ATG9A: variants seen among roughly 807,000 people sequenced by gnomAD.
The protein encoded by ATG9A is autophagy-related protein 9A.
Under a neutral mutation model 87.1 loss-of-function variants are expected in ATG9A, and 21 were observed. The ratio of observed to expected loss-of-function variants is 0.24; its 90% CI spans 0.17 to 0.35. ATG9A has a LOEUF of 0.35. ATG9A is among the 10% of genes least tolerant of loss of function. The pLI, the probability that ATG9A is intolerant of heterozygous loss-of-function variation, is 1.00. For synonymous variants in ATG9A, 422 were observed against 441.3 expected, an observed-to-expected ratio of 0.96 and a Z score of 0.55; for missense variants, 836 against 1,107.3, an observed-to-expected ratio of 0.76 and a Z score of 3.48.
intron 1 of ATG9A, chr2:219,228,952 G>A (rs934213111): frequency 6.6e-6 from 1 of 152,202 alleles, no homozygotes; most frequent in Non-Finnish European, 1.5e-5. Context: ...CCCGATCCTA[G>A]GTGAATTTGT....
In ATG9A at chr2:219,219,486, C is replaced by CCA. The variant is rs1950708894; in HGVS notation, c.*959_*960dup. On this transcript the variant is annotated 3_prime_UTR_variant, in exon 16 of 16. Transcript: ENST00000361242. Reference sequence around the variant, plus strand: ...AATTCACCACTCTCCCAAAGCCGGACCACAGCTGGGTGAGGGGTGGGACAG... The same window carrying CCA: ...AATTCACCACTCTCCCAAAGCCGGACCACACAGCTGGGTGAGGGGTGGGACAG... The CCA allele has an allele frequency of 6.5e-6, 1 of 152,740 alleles. No homozygotes were observed. Among genetic ancestry groups the CCA allele is most frequent in the Non-Finnish European group, 1.5e-5 (1 of 68,142 alleles). 9.5% of individuals were successfully genotyped at this position (152,740 alleles called of 1,614,324 possible).
rs777855989 is a variant in ATG9A at position 219,221,224 on chromosome 2, C to T, written c.2224G>A (p.Ala742Thr). The T allele has an allele frequency of 5.0e-6, 8 of 1,587,518 alleles. No individual in the cohort carries two copies. Among genetic ancestry groups the T allele is most frequent in the South Asian group, 2.3e-5 (2 of 87,040 alleles). The change falls in exon 14 of 16, where the codon GCC (alanine) becomes ACC (threonine). Residue 742 changes from alanine (A) to threonine (T), a missense_variant. By Grantham distance (58) the Ala-to-Thr change is moderately conservative (BLOSUM62 0). Around this residue, in one of 2 missense-constraint regions of ATG9A, gnomAD observed 324 missense variants for 347.6 expected, o/e 0.93. Coordinates refer to ENST00000361242, the MANE Select transcript of ATG9A (RefSeq NM_001077198.3). The part of the protein sequence containing the change: ...RRESDESGES[A>T]PDEGGEGARA... ...GCGCCCTCTCCCCCTTCATCAGGGGCGCTTTCTCCACTCTCATCACTCTCC... is the reference window on the plus strand; with the variant it reads ...GCGCCCTCTCCCCCTTCATCAGGGGTGCTTTCTCCACTCTCATCACTCTCC...
intron 1 of ATG9A, chr2:219,228,973 G>A (rs1430183569): frequency 6.6e-6 from 1 of 152,238 alleles, no homozygotes; most frequent in Admixed American, 6.5e-5. Context: ...GGGTTCCCTA[G>A]GTCCTGTAAG....
rs761271605 is a variant in ATG9A at position 219,224,504 on chromosome 2, G to A, written c.867C>T (p.Arg289=). The A allele has an allele frequency of 5.6e-6, 9 of 1,614,012 alleles. No homozygotes were observed. The African/African-American group carries it at 1.2e-4, about 22-fold the overall frequency. ...AGTTAGCGATGCCAATCCACAGGAT[G>A]CGGTTGCTGAGGCGCTGGGCCAGCT... ...RLELAQRLSN[R]ILWIGIANFL... Residue 289 remains arginine (R), a synonymous_variant, in exon 8 of 16, where the codon CGC becomes CGT. Transcript: ENST00000361242. This position sits in a 1 kb window ranked among gnomAD's most constrained non-coding sequence, Gnocchi z 7.7.
At chr2:219,228,086 C>A in intron 2 of ATG9A, 33 bp from the exon 3 acceptor site, 6 of 1,481,374 alleles carry the variant, frequency 4.1e-6, no homozygotes, top group Non-Finnish European at 5.6e-6. Flanking sequence ...GACCCTGATT[C>A]AGTTCCAGCT....
In ATG9A at chr2:219,221,188, G is replaced by T. The variant is rs1950751840; in HGVS notation, c.2260C>A (p.Gln754Lys). ...TAGCTAGCAGAGCGAGGGATAGACT[G>T]GGGGGCCCGGGCGCCCTCTCCCCCT... is the stretch of plus-strand genomic sequence containing the variant. ...DEGGEGARAP[Q>K]SIPRSASYPC... Residue 754 changes from glutamine to lysine, a missense_variant, in exon 14 of 16, where the codon CAG becomes AAG. By Grantham distance (53) the Gln-to-Lys change is moderately conservative. This residue lies in a region of ATG9A where 324 missense variants were observed against 347.6 expected (regional missense o/e 0.93). Coordinates refer to ENST00000361242, the MANE Select transcript of ATG9A (RefSeq NM_001077198.3). 1.3e-6 allele frequency: 2 copies of T among 1,595,516 alleles called. No homozygotes were observed. Among genetic ancestry groups the T allele is most frequent in the Non-Finnish European group, 1.7e-6 (2 of 1,171,330 alleles).
At position 219,226,847 on chromosome 2, in the gene ATG9A, ATC is replaced by A; in HGVS notation, c.212+20_212+21del. The A allele has an allele frequency of 6.3e-7, 1 of 1,599,846 alleles. No homozygotes were observed. Among genetic ancestry groups the A allele is most frequent in the Non-Finnish European group, 8.6e-7 (1 of 1,166,936 alleles). The stretch of plus-strand genomic sequence containing the variant: ...CTAAGATGTATTCTTTCACCACATC[ATC>A]TGTCCCTTCTTATACTTACATGAGC... On this transcript the variant is annotated intron_variant, in intron 5 of 15. Coordinates refer to ENST00000361242, the MANE Select transcript of ATG9A (RefSeq NM_001077198.3).
Position 219,223,789 on chromosome 2 carries a change from AAGCGAGCAGGAGGGAGCCC to A in ATG9A, c.1420-44_1420-26del, listed in dbSNP as rs1950810777. ...CCTAAAAGGGCGGGACCAAGGTCAC[AAGCGAGCAGGAGGGAGCCC>A]AGCCCTCACCACCGAGCTACCAGCC... On this transcript the variant is annotated intron_variant, in intron 9 of 15. Transcript: ENST00000361242. This position sits in a 1 kb window ranked among gnomAD's most constrained non-coding sequence, Gnocchi z 4.7. 1 of 1,613,736 alleles carries A rather than the reference AAGCGAGCAGGAGGGAGCCC, an allele frequency of 6.2e-7. No individual in the cohort carries two copies. The highest frequency in any genetic ancestry group is 2.2e-5 in the East Asian group (1 of 44,858).
chr2:219,220,409 C>T lies in ATG9A; in HGVS notation c.*38G>A. On this transcript the variant is annotated 3_prime_UTR_variant, in exon 16 of 16. Coordinates refer to ENST00000361242, the MANE Select transcript of ATG9A (RefSeq NM_001077198.3). Reference sequence around the variant, plus strand: ...AGACGGGATGGCAGGGCAGCGGTGGCCTCCATCCTGGGCCACAGGAACCCT... The same window carrying T: ...AGACGGGATGGCAGGGCAGCGGTGGTCTCCATCCTGGGCCACAGGAACCCT... 6.2e-7 allele frequency: 1 copy of T among 1,612,106 alleles called. No homozygotes were observed. Among genetic ancestry groups the T allele is most frequent in the Non-Finnish European group, 8.5e-7 (1 of 1,178,572 alleles).
At position 219,221,287 on chromosome 2, in the gene ATG9A, C is replaced by A. The variant is rs1428889507; in HGVS notation, c.2161G>T (p.Ala721Ser). The A allele has an allele frequency of 1.3e-6, 2 of 1,562,392 alleles. No individual in the cohort carries two copies. The highest frequency in any genetic ancestry group is 4.5e-5 in the East Asian group (2 of 44,154). ...LYMHQLHKQQAQAEPERHVWH... is the reference protein window; with the variant it reads ...LYMHQLHKQQSQAEPERHVWH... ...ACATGCCGCTCAGGTTCAGCCTGGG[C>A]CTGCTGCTTGTGGAGCTGGAGAAAT... Residue 721 changes from alanine (A) to serine (S), a missense_variant, in exon 14 of 16, where the codon GCC (alanine) becomes TCC (serine). Physicochemically the swap from Ala to Ser is moderately conservative, Grantham distance 99. Around this residue, in one of 2 missense-constraint regions of ATG9A, gnomAD observed 324 missense variants for 347.6 expected, o/e 0.93. Transcript: ENST00000361242.
Position 219,228,034 on chromosome 2 carries a change from C to T in ATG9A, c.-10G>A. ...TGTCAAACTGCGCCATCACCACCGC[C>T]CCCTGTCCACCTTGACCACCTGCCA... On this transcript the variant is annotated 5_prime_UTR_variant, in exon 3 of 16. Coordinates refer to ENST00000361242, the MANE Select transcript of ATG9A (RefSeq NM_001077198.3). 6.2e-7 allele frequency: 1 copy of T among 1,609,084 alleles called. No individual in the cohort carries two copies. Among genetic ancestry groups the T allele is most frequent in the Non-Finnish European group, 8.5e-7 (1 of 1,176,484 alleles).
rs1160045642 is a variant in ATG9A at position 219,229,515 on chromosome 2, T to C, written c.-82+20A>G. 6.6e-6 allele frequency: 1 copy of C among 152,466 alleles called. No homozygotes were observed. The allele number at this position is 152,466 out of a possible 1,614,324, so 9.4% of individuals were successfully genotyped here. On this transcript the variant is annotated intron_variant, in intron 1 of 15. Coordinates refer to ENST00000361242, the MANE Select transcript of ATG9A (RefSeq NM_001077198.3). This position sits in a 1 kb window ranked among gnomAD's most constrained non-coding sequence, Gnocchi z 4.2. ...CCAGACACGGGGCCTGGGATTCCAATAACCGGTCTCACGTCTTACCTCAGG... is the reference window on the plus strand; with the variant it reads ...CCAGACACGGGGCCTGGGATTCCAACAACCGGTCTCACGTCTTACCTCAGG...
Position 219,223,808 on chromosome 2 carries a change from C to G in ATG9A, c.1420-44G>C. 6.2e-7 allele frequency: 1 copy of G among 1,613,822 alleles called. No individual in the cohort carries two copies. ...GGTCACAAGCGAGCAGGAGGGAGCC[C>G]AGCCCTCACCACCGAGCTACCAGCC... On this transcript the variant is annotated intron_variant, in intron 9 of 15. Coordinates refer to ENST00000361242, the MANE Select transcript of ATG9A (RefSeq NM_001077198.3). This position sits in a 1 kb window ranked among gnomAD's most constrained non-coding sequence, Gnocchi z 4.7.
Position 219,222,569 on chromosome 2 carries a change from A to G in ATG9A, c.1848+76T>C. ...CTGAAGAGACAGCAGGAAGCCTTCC[A>G]CCCCATGCCCGGTCCCTCAACTCCC... is the stretch of plus-strand genomic sequence containing the variant. On this transcript the variant is annotated intron_variant, in intron 11 of 15. Coordinates refer to ENST00000361242, the MANE Select transcript of ATG9A (RefSeq NM_001077198.3). This position sits in a 1 kb window ranked among gnomAD's most constrained non-coding sequence, Gnocchi z 4.3. 6.3e-7 allele frequency: 1 copy of G among 1,594,834 alleles called. No individual in the cohort carries two copies. Among genetic ancestry groups the G allele is most frequent in the Non-Finnish European group, 8.6e-7 (1 of 1,167,554 alleles).
In ATG9A at chr2:219,222,577, C is replaced by G; in HGVS notation, c.1848+68G>C. The G allele has an allele frequency of 1.0e-5, 16 of 1,600,704 alleles. 1 individual carries two copies. The South Asian group carries it at 1.7e-4, about 17-fold the overall frequency. On this transcript the variant is annotated intron_variant, in intron 11 of 15. Coordinates refer to ENST00000361242, the MANE Select transcript of ATG9A (RefSeq NM_001077198.3). The surrounding 1 kb of genome is among the most constrained non-coding windows in gnomAD (Gnocchi z 4.3). ...ACAGCAGGAAGCCTTCCACCCCATG[C>G]CCGGTCCCTCAACTCCCAGCTCCTG...
In ATG9A at chr2:219,220,810, T is replaced by C; in HGVS notation, c.2451A>G (p.Ser817=). Residue 817 remains serine, a synonymous_variant, in exon 15 of 16, where the codon TCA becomes TCG. Coordinates refer to ENST00000361242, the MANE Select transcript of ATG9A (RefSeq NM_001077198.3). The part of the protein sequence containing the change: ...GGWAEDGQSA[S]RHPEPVPEEG... ...CTTCGGGCACGGGCTCAGGGTGCCT[T>C]GATGCCGACTGCCCATCTTCTGCCC... is the stretch of plus-strand genomic sequence containing the variant. 6.2e-7 allele frequency: 1 copy of C among 1,613,484 alleles called. No homozygotes were observed. Among genetic ancestry groups the C allele is most frequent in the Non-Finnish European group, 8.5e-7 (1 of 1,179,980 alleles).
In ATG9A at chr2:219,222,552, A is replaced by G; in HGVS notation, c.1848+93T>C. 6.3e-7 allele frequency: 1 copy of G among 1,581,146 alleles called. No individual in the cohort carries two copies. On this transcript the variant is annotated intron_variant, in intron 11 of 15. Transcript: ENST00000361242. The surrounding 1 kb of genome is among the most constrained non-coding windows in gnomAD (Gnocchi z 4.3). ...GGCCCCAGTGGCACATACTGAAGAGACAGCAGGAAGCCTTCCACCCCATGC... is the reference window on the plus strand; with the variant it reads ...GGCCCCAGTGGCACATACTGAAGAGGCAGCAGGAAGCCTTCCACCCCATGC...
In ATG9A at chr2:219,224,923, T is replaced by C; in HGVS notation, c.517-69A>G. The C allele has an allele frequency of 2.5e-6, 4 of 1,585,420 alleles. No homozygotes were observed. The highest frequency in any genetic ancestry group is 1.7e-5 in the Admixed American group (1 of 59,222). Reference sequence around the variant, plus strand: ...TTGTTGCCTCGACCCCTTTGCCCTATATTAGAAGTGAGATTCAGGGGTTGT... The same window carrying C: ...TTGTTGCCTCGACCCCTTTGCCCTACATTAGAAGTGAGATTCAGGGGTTGT... On this transcript the variant is annotated intron_variant, in intron 7 of 15. Coordinates refer to ENST00000361242, the MANE Select transcript of ATG9A (RefSeq NM_001077198.3). This position sits in a 1 kb window ranked among gnomAD's most constrained non-coding sequence, Gnocchi z 7.7.
Position 219,222,031 on chromosome 2 carries a change from T to G in ATG9A, c.2145+19A>C, listed in dbSNP as rs1265385882. The G allele has an allele frequency of 1.9e-6, 3 of 1,607,992 alleles. No homozygotes were observed. The highest frequency in any genetic ancestry group is 2.6e-6 in the Non-Finnish European group (3 of 1,176,104). Reference sequence around the variant, plus strand: ...TCCGCATCTAAACCCTCTACTCTCTTTTTTAGCTGTGCACTCACCTGGTGC... The same window carrying G: ...TCCGCATCTAAACCCTCTACTCTCTGTTTTAGCTGTGCACTCACCTGGTGC... On this transcript the variant is annotated intron_variant, in intron 13 of 15. Transcript: ENST00000361242. The surrounding 1 kb of genome is among the most constrained non-coding windows in gnomAD (Gnocchi z 4.3).
Sources: gnomAD v4.1 joint callset for allele counts on GRCh38, gnomAD v4.1.1 for gene constraint, gnomAD v4.1.1 regional missense constraint, Gnocchi (gnomAD v3.1) non-coding constraint, MANE v1.5 for transcripts, NCBI Gene and HGNC (gene_info 2026-07-23, HGNC 2026-07-21) for gene names.